NHLRC4: variants seen among roughly 807,000 people sequenced by gnomAD.
The protein encoded by NHLRC4 is NHL repeat containing 4.
For synonymous variants in NHLRC4, 73 were observed against 69.0 expected, an observed-to-expected ratio of 1.06 and a Z score of -0.29; for missense variants, 158 against 155.4, an observed-to-expected ratio of 1.02 and a Z score of -0.09.
rs2035554369 is a variant in NHLRC4 at position 567,688 on chromosome 16, G to C, written c.-360G>C. On this transcript the variant is annotated 5_prime_UTR_variant, in exon 2 of 2. Coordinates refer to ENST00000424439, the MANE Select transcript of NHLRC4 (RefSeq NM_001301159.2). ...GCCCCGGGGCCTGCACTGCTCCCCCGATGGCCTGCTCTTCCTCACGGCCGG... is the reference window on the plus strand; with the variant it reads ...GCCCCGGGGCCTGCACTGCTCCCCCCATGGCCTGCTCTTCCTCACGGCCGG... The C allele has an allele frequency of 4.6e-6, 1 of 217,620 alleles. No individual in the cohort carries two copies. The highest frequency in any genetic ancestry group is 9.3e-6 in the Non-Finnish European group (1 of 107,788). 13.5% of individuals were successfully genotyped at this position (217,620 alleles called of 1,614,324 possible). A position where few individuals can be genotyped will look rare whatever the true frequency, so the allele number is the denominator to read the frequency against.
In NHLRC4 at chr16:568,072, TG is replaced by T; in HGVS notation, c.28del (p.Val10TrpfsTer11). ...CATGCTGGGTCTGGAGGGCCCCTGC[TG>T]GGTGGGCCCAGGGCCTGATGGGGGC... is the stretch of plus-strand genomic sequence containing the variant. MLGLEGPC[W>X]VGPGPDGGLA... On this transcript the variant is annotated frameshift_variant, in exon 2 of 2. Coordinates refer to ENST00000424439, the MANE Select transcript of NHLRC4 (RefSeq NM_001301159.2). LOFTEE classifies it low-confidence loss of function (END_TRUNC). 1 of 1,542,674 alleles carries T rather than the reference TG, an allele frequency of 6.5e-7. No individual in the cohort carries two copies. The highest frequency in any genetic ancestry group is 8.7e-7 in the Non-Finnish European group (1 of 1,146,536).
rs1208096017 is a variant in NHLRC4 at position 568,750 on chromosome 16, C to G, written c.*331C>G. ...CACCCCCTCAGGCCCTGTGCCTGGACTTTGGGGCTGGCAGCTGAAGCCTTG... is the reference window on the plus strand; with the variant it reads ...CACCCCCTCAGGCCCTGTGCCTGGAGTTTGGGGCTGGCAGCTGAAGCCTTG... On this transcript the variant is annotated 3_prime_UTR_variant, in exon 2 of 2. Transcript: ENST00000424439. 3.6e-6 allele frequency: 1 copy of G among 277,706 alleles called. No individual in the cohort carries two copies. Among genetic ancestry groups the G allele is most frequent in the Admixed American group, 4.7e-5 (1 of 21,122 alleles). 17.2% of individuals were successfully genotyped at this position (277,706 alleles called of 1,614,324 possible). A position where few individuals can be genotyped will look rare whatever the true frequency, so the allele number is the denominator to read the frequency against.
rs771643816 is a variant in NHLRC4, at chr16:568,067, C to A, written c.20C>A (p.Pro7His). ...GCCTCCATGCTGGGTCTGGAGGGCC[C>A]CTGCTGGGTGGGCCCAGGGCCTGAT... is the stretch of plus-strand genomic sequence containing the variant. MLGLEG[P>H]CWVGPGPDGG... The change falls in exon 2 of 2, where the codon CCC (proline) becomes CAC (histidine). Residue 7 changes from proline (P) to histidine (H), a missense_variant. Transcript: ENST00000424439. 8.5e-6 allele frequency: 13 copies of A among 1,537,910 alleles called. No individual in the cohort carries two copies. In the African/African-American group the frequency reaches 1.4e-4, roughly 16 times the overall value.
chr16:567,492 G>C lies in NHLRC4; in HGVS notation c.-556G>C, dbSNP rs916886607. Reference sequence around the variant, plus strand: ...ACAGTGGGGCCTTATTCTCTCTCTTGCAGCCCCAAGCGTGACCCAGCTGCA... The same window carrying C: ...ACAGTGGGGCCTTATTCTCTCTCTTCCAGCCCCAAGCGTGACCCAGCTGCA... On this transcript the variant is annotated 5_prime_UTR_variant, in exon 2 of 2. Coordinates refer to ENST00000424439, the MANE Select transcript of NHLRC4 (RefSeq NM_001301159.2). 6 of 155,204 alleles carry C rather than the reference G, an allele frequency of 3.9e-5. No individual in the cohort carries two copies. The highest frequency in any genetic ancestry group is 1.4e-4 in the African/African-American group (6 of 41,524). 9.6% of individuals were successfully genotyped at this position (155,204 alleles called of 1,614,324 possible). A position where few individuals can be genotyped will look rare whatever the true frequency, so the allele number is the denominator to read the frequency against.
rs753895271 is a variant in NHLRC4, at chr16:568,166, T to TG, written c.125dup (p.Trp43LeufsTer65). 6.3e-5 allele frequency: 101 copies of TG among 1,610,864 alleles called. No homozygotes were observed. The highest frequency in any genetic ancestry group is 7.6e-6 in the Non-Finnish European group (9 of 1,179,170). ...AGTGCCCGCCAACCCCTGGGCTCCC[T>TG]GGGGGGCTGGACGGGGCACACTTTC... On this transcript the variant is annotated frameshift_variant, in exon 2 of 2. Transcript: ENST00000424439. LOFTEE classifies it low-confidence loss of function (END_TRUNC).
At position 568,022 on chromosome 16, in the gene NHLRC4, C is replaced by A. The variant is rs558887051; in HGVS notation, c.-26C>A. ...GTGCACAGCTTCTCGTTGGGTCCTG[C>A]TTGGGAGCCCCTGGCCCCAGCCTCC... On this transcript the variant is annotated 5_prime_UTR_variant, in exon 2 of 2. Transcript: ENST00000424439. 10 of 1,505,306 alleles carry A rather than the reference C, an allele frequency of 6.6e-6. No homozygotes were observed. The East Asian group carries it at 1.4e-4, about 21-fold the overall frequency. 93.2% of individuals were successfully genotyped at this position (1,505,306 alleles called of 1,614,324 possible). A position where few individuals can be genotyped will look rare whatever the true frequency, so the allele number is the denominator to read the frequency against.
At position 568,795 on chromosome 16, in the gene NHLRC4, G is replaced by A. The variant is rs559926387; in HGVS notation, c.*376G>A. 11 of 213,302 alleles carry A rather than the reference G, an allele frequency of 5.2e-5. No homozygotes were observed. The highest frequency in any genetic ancestry group is 7.6e-5 in the Non-Finnish European group (8 of 105,466). 13.2% of individuals were successfully genotyped at this position (213,302 alleles called of 1,614,324 possible). ...GCCTTGAGATCCTGGGCCAGCTGCCGGCACACAGCTAGGCAGACTCTCCCA... is the reference window on the plus strand; with the variant it reads ...GCCTTGAGATCCTGGGCCAGCTGCCAGCACACAGCTAGGCAGACTCTCCCA... On this transcript the variant is annotated 3_prime_UTR_variant, in exon 2 of 2. Coordinates refer to ENST00000424439, the MANE Select transcript of NHLRC4 (RefSeq NM_001301159.2).
Position 567,047 on chromosome 16 carries a change from G to A in NHLRC4, c.-606G>A, listed in dbSNP as rs1193804534. ...ACAGAGGCTGCAGCCACCCAGCCCC[G>A]AAGCAGGGCCCAGCGAGACAGGGCC... On this transcript the variant is annotated 5_prime_UTR_variant, in exon 1 of 2. Coordinates refer to ENST00000424439, the MANE Select transcript of NHLRC4 (RefSeq NM_001301159.2). 6.5e-6 allele frequency: 1 copy of A among 154,532 alleles called. No homozygotes were observed. The highest frequency in any genetic ancestry group is 1.5e-5 in the Non-Finnish European group (1 of 68,218). The allele number at this position is 154,532 out of a possible 1,614,324, so 9.6% of individuals were successfully genotyped here. A position where few individuals can be genotyped will look rare whatever the true frequency, so the allele number is the denominator to read the frequency against.
In NHLRC4 at chr16:567,908, G is replaced by A. The variant is rs2035557414; in HGVS notation, c.-140G>A. 1.1e-6 allele frequency: 1 copy of A among 905,502 alleles called. No homozygotes were observed. Among genetic ancestry groups the A allele is most frequent in the Non-Finnish European group, 1.6e-6 (1 of 618,182 alleles). The allele number at this position is 905,502 out of a possible 1,614,324, so 56.1% of individuals were successfully genotyped here. A position where few individuals can be genotyped will look rare whatever the true frequency, so the allele number is the denominator to read the frequency against. On this transcript the variant is annotated 5_prime_UTR_variant, in exon 2 of 2. Coordinates refer to ENST00000424439, the MANE Select transcript of NHLRC4 (RefSeq NM_001301159.2). Reference sequence around the variant, plus strand: ...ACAGCCCGGGACCCCGGGGGCCACTGGGTGACAGTGGGCACCTTCCTGTCT... The same window carrying A: ...ACAGCCCGGGACCCCGGGGGCCACTAGGTGACAGTGGGCACCTTCCTGTCT...
At position 568,995 on chromosome 16, in the gene NHLRC4, G is replaced by C. The variant is rs570051685; in HGVS notation, c.*576G>C. 5.9e-6 allele frequency: 1 copy of C among 169,638 alleles called. No individual in the cohort carries two copies. The highest frequency in any genetic ancestry group is 1.4e-5 in the Non-Finnish European group (1 of 70,004). 10.5% of individuals were successfully genotyped at this position (169,638 alleles called of 1,614,324 possible). ...CTTCTCTGGGCCTGGCAGAGGTAAG[G>C]GGGAGGCAACCCTGGAGTGTCTGGA... On this transcript the variant is annotated 3_prime_UTR_variant, in exon 2 of 2. Transcript: ENST00000424439.
intron 1 of NHLRC4, among the ~76,000 whole-genome samples, 185 bp from the exon 2 acceptor site, chr16:567,286 C>T (rs975622959): frequency 6.6e-6 from 1 of 152,116 alleles, no homozygotes; most frequent in Non-Finnish European, 1.5e-5. Context: ...CCCATGAGCT[C>T]ATCTGGGGCT....
intron 1 of NHLRC4, 90 bp downstream of exon 1, chr16:567,165 C>T (rs1266768681): frequency 3.3e-5 from 5 of 153,438 alleles, no homozygotes; most frequent in African/African-American, 1.2e-4. Flanking sequence ...CAGAAGTCTC[C>T]CTGACCTAGG....
Position 568,231 on chromosome 16 carries a change from G to A in NHLRC4, c.184G>A (p.Val62Ile). The change falls in exon 2 of 2, where the codon GTT (valine) becomes ATT (isoleucine). Residue 62 changes from valine (V) to isoleucine (I), a missense_variant. Physicochemically the swap from Val to Ile is conservative, Grantham distance 29 (BLOSUM62 3). Coordinates refer to ENST00000424439, the MANE Select transcript of NHLRC4 (RefSeq NM_001301159.2). ...AGICSNSEGN[V>I]IVADEQRRQV... ...CATCTGCTCCAACTCAGAGGGCAAT[G>A]TTATTGTGGCAGACGAGCAGAGGCG... 2 of 1,612,376 alleles carry A rather than the reference G, an allele frequency of 1.2e-6. No homozygotes were observed. Among genetic ancestry groups the A allele is most frequent in the Middle Eastern group, 1.7e-4 (1 of 6,058 alleles).
chr16:569,049 CT>C lies in NHLRC4; in HGVS notation c.*634del. The C allele has an allele frequency of 6.0e-6, 1 of 167,602 alleles. No individual in the cohort carries two copies. The allele number at this position is 167,602 out of a possible 1,614,324, so 10.4% of individuals were successfully genotyped here. On this transcript the variant is annotated 3_prime_UTR_variant, in exon 2 of 2. Transcript: ENST00000424439. ...CCATGGCTGGCTGAACCCTGGATGC[CT>C]TTTCTTCCGCGTCCCCATGAATGAA...
In NHLRC4 at chr16:568,064, G is replaced by A; in HGVS notation, c.17G>A (p.Gly6Asp). 2 of 1,533,836 alleles carry A rather than the reference G, an allele frequency of 1.3e-6. No homozygotes were observed. Among genetic ancestry groups the A allele is most frequent in the Non-Finnish European group, 8.7e-7 (1 of 1,143,332 alleles). MLGLE[G>D]PCWVGPGPDG... Reference sequence around the variant, plus strand: ...CCAGCCTCCATGCTGGGTCTGGAGGGCCCCTGCTGGGTGGGCCCAGGGCCT... The same window carrying A: ...CCAGCCTCCATGCTGGGTCTGGAGGACCCCTGCTGGGTGGGCCCAGGGCCT... Residue 6 changes from glycine to aspartate, a missense_variant, in exon 2 of 2, where the codon GGC becomes GAC. Physicochemically the swap from Gly to Asp is moderately conservative, Grantham distance 94. Coordinates refer to ENST00000424439, the MANE Select transcript of NHLRC4 (RefSeq NM_001301159.2).
At position 567,975 on chromosome 16, in the gene NHLRC4, G is replaced by A. The variant is rs529269270; in HGVS notation, c.-73G>A. On this transcript the variant is annotated 5_prime_UTR_variant, in exon 2 of 2. The change abolishes the stop of an existing upstream ORF in the 5' untranslated region. Transcript: ENST00000424439. Reference sequence around the variant, plus strand: ...TGGATGCCCTCAACCGCCTCCTGGTGACGGACTACTTGCCTGGGGCTGTGC... The same window carrying A: ...TGGATGCCCTCAACCGCCTCCTGGTAACGGACTACTTGCCTGGGGCTGTGC... 95 of 1,447,950 alleles carry A rather than the reference G, an allele frequency of 6.6e-5. No individual in the cohort carries two copies. Among genetic ancestry groups the A allele is most frequent in the Non-Finnish European group, 8.0e-5 (88 of 1,099,366 alleles). The allele number at this position is 1,447,950 out of a possible 1,614,324, so 89.7% of individuals were successfully genotyped here. A position where few individuals can be genotyped will look rare whatever the true frequency, so the allele number is the denominator to read the frequency against.
At position 568,154 on chromosome 16, in the gene NHLRC4, C is replaced by A; in HGVS notation, c.107C>A (p.Pro36His). Reference protein sequence around the residue: ...DVRLFGSARQPLGSLGGWTGH... With the variant: ...DVRLFGSARQHLGSLGGWTGH... Reference sequence around the variant, plus strand: ...AGGCTGTTTGGCAGTGCCCGCCAACCCCTGGGCTCCCTGGGGGGCTGGACG... The same window carrying A: ...AGGCTGTTTGGCAGTGCCCGCCAACACCTGGGCTCCCTGGGGGGCTGGACG... The change falls in exon 2 of 2, where the codon CCC becomes CAC. Residue 36 changes from proline (P) to histidine (H), a missense_variant. Pro to His is a moderately conservative substitution (Grantham distance 77). Coordinates refer to ENST00000424439, the MANE Select transcript of NHLRC4 (RefSeq NM_001301159.2). 6.2e-7 allele frequency: 1 copy of A among 1,610,104 alleles called. No individual in the cohort carries two copies. The highest frequency in any genetic ancestry group is 8.5e-7 in the Non-Finnish European group (1 of 1,178,692).
rs1187509768 is a variant in NHLRC4, at chr16:568,730, C to T, written c.*311C>T. 3 of 338,582 alleles carry T rather than the reference C, an allele frequency of 8.9e-6. No individual in the cohort carries two copies. Among genetic ancestry groups the T allele is most frequent in the Non-Finnish European group, 1.6e-5 (3 of 182,874 alleles). The allele number at this position is 338,582 out of a possible 1,614,324, so 21.0% of individuals were successfully genotyped here. Reference sequence around the variant, plus strand: ...CCCTGCATTCATGCCCCCCACACCCCCTCAGGCCCTGTGCCTGGACTTTGG... The same window carrying T: ...CCCTGCATTCATGCCCCCCACACCCTCTCAGGCCCTGTGCCTGGACTTTGG... On this transcript the variant is annotated 3_prime_UTR_variant, in exon 2 of 2. Transcript: ENST00000424439.
At position 567,664 on chromosome 16, in the gene NHLRC4, C is replaced by A; in HGVS notation, c.-384C>A. 1 of 187,802 alleles carries A rather than the reference C, an allele frequency of 5.3e-6. No homozygotes were observed. The highest frequency in any genetic ancestry group is 1.1e-5 in the Non-Finnish European group (1 of 89,144). 11.6% of individuals were successfully genotyped at this position (187,802 alleles called of 1,614,324 possible). A position where few individuals can be genotyped will look rare whatever the true frequency, so the allele number is the denominator to read the frequency against. ...GGTGCCCGCAGGGGCTGTGGGAGGG[C>A]CCCGGGGCCTGCACTGCTCCCCCGA... On this transcript the variant is annotated 5_prime_UTR_variant, in exon 2 of 2. Transcript: ENST00000424439.
Sources: gnomAD v4.1 joint callset for allele counts (sites outside exome capture counted in the v4.1 genomes callset) on GRCh38, gnomAD v4.1.1 for gene constraint, MANE v1.5 for transcripts, NCBI Gene and HGNC (gene_info 2026-07-23, HGNC 2026-07-21) for gene names.